The following OCIAD2 variants were observed in gnomAD, a reference collection of about 807,000 sequenced individuals.
OCIAD2 encodes the protein OCIA domain-containing protein 2.
Under a neutral mutation model 22.9 loss-of-function variants are expected in OCIAD2, and 29 were observed. The observed-to-expected ratio is 1.27, with a 90% CI of 0.94 to 1.73. The LOEUF (loss-of-function observed/expected upper bound fraction) is 1.73. Ranked by LOEUF, OCIAD2 falls within the 40% of genes most tolerant of loss-of-function variation. OCIAD2 has a pLI of 0.00. For synonymous variants in OCIAD2, 67 were observed against 60.2 expected (o/e 1.11, Z -0.52); for missense variants, 189 against 180.3 (o/e 1.05, Z -0.28).
chr4:48,897,684 A>G, intron 4 of OCIAD2, 120 bp downstream of exon 4: 1 of 776,574 alleles, frequency 1.3e-6, no homozygotes, highest in Non-Finnish European at 2.3e-6. Flanking sequence ...AAATAGGCAG[A>G]AGTCTGCATA....
At chr4:48,887,346 A>G (rs1158041483) in intron 6 of OCIAD2, among the ~76,000 whole-genome samples, 5 of 152,084 alleles carry the variant, frequency 3.3e-5, no homozygotes, top group African/African-American at 1.2e-4. Flanking sequence ...GTTTAATTAG[A>G]TCCCATTTAT....
At position 48,904,534 on chromosome 4, in the gene OCIAD2, C is replaced by G. The variant is rs772817864; in HGVS notation, c.16G>C (p.Ala6Pro). The part of the protein sequence containing the change: MASAS[A>P]RGNQDKDAHF... ...GCATCTTTATCTTGGTTTCCACGAG[C>G]AGACGCTGAAGCCATGATGACTTTG... is the stretch of plus-strand genomic sequence containing the variant. The change falls in exon 2 of 7, where the codon GCT becomes CCT. Residue 6 changes from alanine to proline, a missense_variant. Ala to Pro is a conservative substitution (Grantham distance 27). Coordinates refer to ENST00000508632, the MANE Select transcript of OCIAD2 (RefSeq NM_001014446.3). 6.2e-7 allele frequency: 1 copy of G among 1,614,084 alleles called. No individual in the cohort carries two copies. The highest frequency in any genetic ancestry group is 8.5e-7 in the Non-Finnish European group (1 of 1,179,994).
At chr4:48,898,662 T>C (rs1781352701) in intron 3 of OCIAD2, among the ~76,000 whole-genome samples, 1 of 152,206 alleles carries the variant, frequency 6.6e-6, no homozygotes, top group Non-Finnish European at 1.5e-5. Context: ...CTTTCTCTTT[T>C]TCATGACATT....
chr4:48,887,196 C>T (rs1401319819), intron 6 of OCIAD2, among the ~76,000 whole-genome samples: 3 of 151,898 alleles, frequency 2.0e-5, no homozygotes, highest in African/African-American at 4.8e-5. Flanking sequence ...TTGTTTTTTT[C>T]TTGTAAATTT....
intron 5 of OCIAD2, chr4:48,893,138 T>C: frequency 4.0e-6 from 1 of 251,544 alleles, no homozygotes; most frequent in South Asian, 1.5e-4. Context: ...TGGAGACAGA[T>C]GGCCAGAGAG....
intron 2 of OCIAD2, among the ~76,000 whole-genome samples, chr4:48,903,847 A>G (rs1483026065): frequency 6.6e-6 from 1 of 151,836 alleles, no homozygotes; most frequent in Non-Finnish European, 1.5e-5. Context: ...GGATTTCACT[A>G]TGTTGGCCAG....
intron 6 of OCIAD2, among the ~76,000 whole-genome samples, chr4:48,890,892 C>G (rs2109669643): frequency 6.6e-6 from 1 of 152,160 alleles, no homozygotes; most frequent in South Asian, 2.1e-4. Flanking sequence ...GAGGAGGAAC[C>G]CCTTTCTCTC....
In OCIAD2 at chr4:48,888,326, A is replaced by C. The variant is rs200814867; in HGVS notation, c.384-2761T>G. On this transcript the variant is annotated intron_variant, in intron 6 of 6. Transcript: ENST00000508632. ...CTCTTTTCCTAATTGAATACCCTTT[A>C]TTTCTTTCTCCTGCCTGATTGCTCT... Among the ~76,000 whole-genome samples, 44 of 152,168 alleles carry C rather than the reference A, an allele frequency of 2.9e-4. No individual in the cohort carries two copies. In the East Asian group the frequency reaches 8.5e-3, roughly 29 times the overall value.
chr4:48,904,404 G>T lies in OCIAD2; in HGVS notation c.66+80C>A, dbSNP rs1781483349. 4 of 1,215,484 alleles carry T rather than the reference G, an allele frequency of 3.3e-6. No individual in the cohort carries two copies. The highest frequency in any genetic ancestry group is 2.3e-5 in the East Asian group (1 of 43,076). The allele number at this position is 1,215,484 out of a possible 1,614,324, so 75.3% of individuals were successfully genotyped here. On this transcript the variant is annotated intron_variant, in intron 2 of 6. Coordinates refer to ENST00000508632, the MANE Select transcript of OCIAD2 (RefSeq NM_001014446.3). ...TTCGAGACTGCAGTGAGCCATGACT[G>T]CACCACTGCACTCCAGTCTGGGTGA...
chr4:48,889,229 TTTC>T (rs1165987638), intron 6 of OCIAD2, among the ~76,000 whole-genome samples: 1 of 152,216 alleles, frequency 6.6e-6, no homozygotes, highest in Non-Finnish European at 1.5e-5. Context: ...TATTCTCTCT[TTTC>T]TTCTTTATTA....
At chr4:48,902,085 A>G (rs1163480293) in intron 2 of OCIAD2, among the ~76,000 whole-genome samples, 1 of 151,414 alleles carries the variant, frequency 6.6e-6, no homozygotes, top group Non-Finnish European at 1.5e-5. Flanking sequence ...TTTTTTTTTT[A>G]AATTTAACTT....
At chr4:48,889,033 G>A (rs1333164354) in intron 6 of OCIAD2, among the ~76,000 whole-genome samples, 1 of 152,088 alleles carries the variant, frequency 6.6e-6, no homozygotes, top group Non-Finnish European at 1.5e-5. Flanking sequence ...TTAGTCTACT[G>A]AAGGGATTCA....
intron 6 of OCIAD2, among the ~76,000 whole-genome samples, chr4:48,887,198 T>G (rs1244944940): frequency 6.6e-6 from 1 of 152,234 alleles, no homozygotes; most frequent in Non-Finnish European, 1.5e-5. Context: ...GTTTTTTTCT[T>G]GTAAATTTGT....
intron 2 of OCIAD2, 126 bp downstream of exon 2, chr4:48,904,358 G>A (rs545927814): frequency 1.2e-5 from 10 of 842,694 alleles, no homozygotes; most frequent in Admixed American, 3.6e-5. Context: ...GCTCAAGTAG[G>A]AGGATCACTT....
At chr4:48,890,374 G>A (rs1298660087) in intron 6 of OCIAD2, among the ~76,000 whole-genome samples, 1 of 152,090 alleles carries the variant, frequency 6.6e-6, no homozygotes, top group Non-Finnish European at 1.5e-5. Flanking sequence ...TCAGGGTCAG[G>A]CAGAGTTTGA....
chr4:48,890,474 T>C (rs1212174686), intron 6 of OCIAD2, among the ~76,000 whole-genome samples: 1 of 152,162 alleles, frequency 6.6e-6, no homozygotes, highest in African/African-American at 2.4e-5. Context: ...TTAAACTATA[T>C]GACTATGGAG....
At chr4:48,886,265 G>T (rs1168161817) in intron 6 of OCIAD2, among the ~76,000 whole-genome samples, 1 of 152,124 alleles carries the variant, frequency 6.6e-6, no homozygotes, top group Non-Finnish European at 1.5e-5. Flanking sequence ...TGAGGGCTCT[G>T]TTCTGTTCCA....
intron 4 of OCIAD2, 85 bp downstream of exon 4, chr4:48,897,719 A>AT: frequency 1.0e-6 from 1 of 971,208 alleles, no homozygotes; most frequent in Non-Finnish European, 1.7e-6. Flanking sequence ...CAAAAAATAA[A>AT]TGTCAAGGGC....
At chr4:48,894,119 TAA>T (rs1450894399) in intron 4 of OCIAD2, 66 bp from the exon 5 acceptor site, 7 of 831,152 alleles carry the variant, frequency 8.4e-6, no homozygotes, top group Non-Finnish European at 1.0e-5. Context: ...TTATAAATTA[TAA>T]GTTATTCTTA....
Sources: gnomAD v4.1 joint callset for allele counts (sites outside exome capture counted in the v4.1 genomes callset) on GRCh38, gnomAD v4.1.1 for gene constraint, MANE v1.5 for transcripts, NCBI Gene and HGNC (gene_info 2026-07-23, HGNC 2026-07-21) for gene names.